The following MTUS2 variants were observed in gnomAD, a reference collection of about 807,000 sequenced individuals.
The protein encoded by MTUS2 is microtubule-associated tumor suppressor candidate 2.
MTUS2 carries 40 observed loss-of-function variants against 114.1 expected under a neutral mutation model. The observed-to-expected ratio is 0.35, with a 90% CI of 0.27 to 0.46. The LOEUF is 0.46. MTUS2 is among the 20% of genes least tolerant of loss of function. MTUS2 has a pLI of 1.00. For missense variants in MTUS2, 1,679 were observed against 1,705.4 expected (o/e 0.98, Z 0.27); for synonymous variants, 688 against 672.0 (o/e 1.02, Z -0.37).
intron 2 of MTUS2, among the ~76,000 whole-genome samples, chr13:28,892,806 A>G (rs1343433361): frequency 6.6e-6 from 1 of 152,216 alleles, no homozygotes; most frequent in African/African-American, 2.4e-5. Flanking sequence ...CTCAGGTACA[A>G]GACTCTAAAA....
chr13:29,231,940 T>C (rs1896340015), intron 5 of MTUS2, among the ~76,000 whole-genome samples: 1 of 152,254 alleles, frequency 6.6e-6, no homozygotes, highest in African/African-American at 2.4e-5. Flanking sequence ...TTTGGATCTT[T>C]ATTTTGTTGC....
intron 6 of MTUS2, among the ~76,000 whole-genome samples, chr13:29,309,791 C>T (rs903194628): frequency 3.3e-5 from 5 of 151,906 alleles, no homozygotes; most frequent in African/African-American, 4.8e-5. Flanking sequence ...TTTGTGTGTA[C>T]ATAGTAGGTG....
chr13:29,216,472 A>G (rs937841763), intron 5 of MTUS2, among the ~76,000 whole-genome samples: 1 of 152,090 alleles, frequency 6.6e-6, no homozygotes, highest in Non-Finnish European at 1.5e-5. Flanking sequence ...TAGCTGCTCT[A>G]TTTTGTGCTT....
chr13:29,209,959 A>G (rs1311343226), intron 5 of MTUS2, among the ~76,000 whole-genome samples: 4 of 152,118 alleles, frequency 2.6e-5, no homozygotes, highest in Non-Finnish European at 4.4e-5. Flanking sequence ...AGGTTCTTGT[A>G]TTTGGCTATC....
chr13:29,144,749 A>G (rs2139015010), intron 5 of MTUS2, among the ~76,000 whole-genome samples: 1 of 152,312 alleles, frequency 6.6e-6, no homozygotes, highest in East Asian at 1.9e-4. Context: ...ATTTATATCA[A>G]ATAACCTAAT....
intron 4 of MTUS2, 86 bp downstream of exon 4, chr13:29,034,211 A>C: frequency 6.4e-7 from 1 of 1,560,186 alleles, no homozygotes; most frequent in South Asian, 1.1e-5. Context: ...TAAAATATGA[A>C]TGCCTTTCAT....
At chr13:29,421,401 A>AT (rs1343983771) in intron 8 of MTUS2, among the ~76,000 whole-genome samples, 3 of 152,126 alleles carry the variant, frequency 2.0e-5, no homozygotes, top group Non-Finnish European at 4.4e-5. Context: ...TTTCATGATC[A>AT]TTTTTCATGG....
intron 2 of MTUS2, among the ~76,000 whole-genome samples, chr13:28,852,948 A>AATACATAC (rs71090209): frequency 2.2e-4 from 2 of 9,178 alleles, no homozygotes; most frequent in Non-Finnish European, 7.5e-4. Flanking sequence ...CTCTGTCTTA[A>AATACATAC]ATACATACAT....
intron 5 of MTUS2, among the ~76,000 whole-genome samples, chr13:29,238,339 C>G (rs1485811209): frequency 6.6e-6 from 1 of 152,162 alleles, no homozygotes; most frequent in East Asian, 1.9e-4. Context: ...AGTATTGACT[C>G]ACACCATCAC....
chr13:29,331,915 G>A (rs1900797191), intron 7 of MTUS2, among the ~76,000 whole-genome samples: 1 of 152,180 alleles, frequency 6.6e-6, no homozygotes, highest in South Asian at 2.1e-4. Flanking sequence ...AAGCCGAGTT[G>A]ATCATGGTGG....
chr13:29,421,690 T>C (rs1311433996), intron 8 of MTUS2, among the ~76,000 whole-genome samples: 1 of 152,166 alleles, frequency 6.6e-6, no homozygotes, highest in Non-Finnish European at 1.5e-5. Context: ...TAGACAATTA[T>C]TATGATATCA....
At chr13:29,393,487 G>T (rs1873669502) in intron 8 of MTUS2, among the ~76,000 whole-genome samples, 1 of 152,106 alleles carries the variant, frequency 6.6e-6, no homozygotes, top group South Asian at 2.1e-4. Context: ...TGTCAGGGAG[G>T]TTCTGTGCTC....
chr13:29,369,778 C>T (rs9508421), intron 8 of MTUS2, among the ~76,000 whole-genome samples: 30,790 of 152,156 alleles, frequency 0.2, 3,230 homozygotes, highest in Middle Eastern at 0.25. Flanking sequence ...CTCTTGAGAA[C>T]AAAGATTTAT....
chr13:29,429,735 A>G (rs1247326008), intron 8 of MTUS2, among the ~76,000 whole-genome samples: 1 of 152,228 alleles, frequency 6.6e-6, no homozygotes, highest in African/African-American at 2.4e-5. Context: ...GGATTTCACA[A>G]TTGAATTGTT....
At chr13:28,931,212 A>G (rs921905175) in intron 2 of MTUS2, among the ~76,000 whole-genome samples, 10 of 152,360 alleles carry the variant, frequency 6.6e-5, no homozygotes, top group South Asian at 2.1e-4. Context: ...CGTGGATTCA[A>G]TCAACCACCA....
intron 5 of MTUS2, 133 bp from the exon 6 acceptor site, chr13:29,281,571 A>G (rs910901677): frequency 3.8e-5 from 36 of 948,370 alleles, no homozygotes; most frequent in Non-Finnish European, 4.6e-5. Flanking sequence ...AATACTTTTC[A>G]AGGTCACTCA....
intron 5 of MTUS2, among the ~76,000 whole-genome samples, chr13:29,179,125 A>G (rs1054764548): frequency 6.6e-6 from 1 of 152,196 alleles, no homozygotes; most frequent in African/African-American, 2.4e-5. Flanking sequence ...ACATAAGCCA[A>G]AGCTCAGAAT....
intron 4 of MTUS2, among the ~76,000 whole-genome samples, chr13:29,041,507 G>A (rs1006678443): frequency 1.3e-5 from 2 of 152,106 alleles, no homozygotes; most frequent in Non-Finnish European, 2.9e-5. Context: ...GATGGAAATT[G>A]CCTTGAATTT....
chr13:29,206,874 T>G (rs1238537651), intron 5 of MTUS2, among the ~76,000 whole-genome samples: 1 of 152,214 alleles, frequency 6.6e-6, no homozygotes, highest in South Asian at 2.1e-4. Context: ...TTGCTTAGCC[T>G]TGCTTTGGCT....
Sources: gnomAD v4.1 joint callset for allele counts (sites outside exome capture counted in the v4.1 genomes callset) on GRCh38, gnomAD v4.1.1 for gene constraint, MANE v1.5 for transcripts, NCBI Gene and HGNC (gene_info 2026-07-23, HGNC 2026-07-21) for gene names.